DMD: variants seen among roughly 807,000 people sequenced by gnomAD.
The protein encoded by DMD is dystrophin, also known as mutant dystrophin.
In DMD, 63 loss-of-function variants were observed where a neutral mutation model predicts 330.1. The ratio of observed to expected loss-of-function variants is 0.19; its 90% CI spans 0.16 to 0.24. The LOEUF (loss-of-function observed/expected upper bound fraction) is 0.24, where lower values mean the gene tolerates loss of function less well. Among genes scored for constraint, DMD ranks in the 10% least tolerant of loss-of-function variants. The pLI is 1.00. For synonymous variants in DMD, 1,223 were observed against 959.8 expected, an observed-to-expected ratio of 1.27 and a Z score of -5.07; for missense variants, 3,344 against 2,684.1, an observed-to-expected ratio of 1.25 and a Z score of -5.43.
chrX:32,916,805 G>A (rs935728930), intron 2 of DMD, among the ~76,000 whole-genome samples: 3 of 111,184 alleles, frequency 2.7e-5, no homozygotes, highest in African/African-American at 6.5e-5. Context: ...GGTTTAAAGA[G>A]CATTTTTTCT....
chrX:33,278,608 A>C (rs1196654609), intron 1 of DMD, among the ~76,000 whole-genome samples: 1 of 111,788 alleles, frequency 8.9e-6, no homozygotes, highest in Non-Finnish European at 1.9e-5. Context: ...TTGATGCCAC[A>C]TCTTTGCTAT....
At chrX:31,387,633 C>G (rs1468983978) in intron 60 of DMD, among the ~76,000 whole-genome samples, 1 of 111,750 alleles carries the variant, frequency 8.9e-6, no homozygotes, top group Admixed American at 9.5e-5. Flanking sequence ...CTCCTGACCT[C>G]AGGTGATCCA....
At chrX:33,037,693 T>C (rs1375051525) in intron 1 of DMD, among the ~76,000 whole-genome samples, 1 of 112,064 alleles carries the variant, frequency 8.9e-6, no homozygotes, top group Non-Finnish European at 1.9e-5. Flanking sequence ...GAAATTTAAA[T>C]AATACTGATT....
intron 53 of DMD, among the ~76,000 whole-genome samples, chrX:31,660,994 A>G (rs1379895536): frequency 1.8e-5 from 2 of 112,206 alleles, no homozygotes; most frequent in African/African-American, 6.5e-5. Context: ...CTAAAATTAT[A>G]AATTATAACA....
At chrX:32,746,448 T>A (rs1289798673) in intron 7 of DMD, among the ~76,000 whole-genome samples, 1 of 111,897 alleles carries the variant, frequency 8.9e-6, no homozygotes, top group Non-Finnish European at 1.9e-5. Context: ...AAAGTGTGGA[T>A]CCAGACCAGC....
chrX:32,824,662 TG>T lies in DMD; in HGVS notation c.265-1276del, dbSNP rs773104436. On this transcript the variant is annotated intron_variant, in intron 4 of 78. Transcript: ENST00000357033. ...GCAATATGAGGGACCCTTGTAATGG[TG>T]GAACTGTTCTGCATATTGACTCTGA... 1.5e-4 allele frequency among the ~76,000 whole-genome samples: 17 copies of T among 111,585 alleles called. No homozygotes were observed. The South Asian group carries it at 6.4e-3, about 42-fold the overall frequency.
At chrX:32,033,493 A>G (rs1181118759) in intron 44 of DMD, among the ~76,000 whole-genome samples, 1 of 109,154 alleles carries the variant, frequency 9.2e-6, no homozygotes, top group Non-Finnish European at 1.9e-5. Context: ...ACAAAACTCT[A>G]AGGAATTTAT....
intron 19 of DMD, among the ~76,000 whole-genome samples, chrX:32,500,558 TAC>T (rs1227172485): frequency 8.9e-6 from 1 of 111,791 alleles, no homozygotes; most frequent in Non-Finnish European, 1.9e-5. Context: ...AAAGTGATAA[TAC>T]AGTTTCTAGG....
At chrX:31,357,821 A>G (rs1394408109) in intron 60 of DMD, among the ~76,000 whole-genome samples, 1 of 112,034 alleles carries the variant, frequency 8.9e-6, no homozygotes, top group South Asian at 3.8e-4. Flanking sequence ...ACAAACCAGT[A>G]TCAAGCCGTT....
At chrX:33,003,161 T>A (rs73468847) in intron 2 of DMD, among the ~76,000 whole-genome samples, 4,142 of 110,324 alleles carry the variant, frequency 0.038, 185 homozygotes, top group African/African-American at 0.13. Flanking sequence ...TTCCCCCTGC[T>A]CTGAGTCCCT....
intron 2 of DMD, among the ~76,000 whole-genome samples, chrX:33,005,793 T>C (rs1270267127): frequency 9.0e-6 from 1 of 110,777 alleles, no homozygotes; most frequent in Non-Finnish European, 1.9e-5. Flanking sequence ...GACATATCTA[T>C]TGGAATGTAG....
At chrX:31,829,281 G>A (rs1280286031) in intron 49 of DMD, among the ~76,000 whole-genome samples, 10 of 110,337 alleles carry the variant, frequency 9.1e-5, no homozygotes, top group African/African-American at 3.3e-4. Context: ...ACAGTATATA[G>A]TACTCAGGAA....
chrX:31,658,913 A>G (rs886816771), intron 53 of DMD, among the ~76,000 whole-genome samples: 1 of 112,156 alleles, frequency 8.9e-6, no homozygotes, highest in Non-Finnish European at 1.9e-5. Flanking sequence ...CTAAGCATTA[A>G]GATAATACTA....
chrX:31,199,603 C>T (rs755685020), intron 67 of DMD, among the ~76,000 whole-genome samples: 15 of 111,679 alleles, frequency 1.3e-4, no homozygotes, highest in Non-Finnish European at 2.8e-4. Context: ...ATAGATAATC[C>T]AGAGAGTGTG....
chrX:32,320,308 T>G (rs1164541343), intron 41 of DMD, among the ~76,000 whole-genome samples: 1 of 111,962 alleles, frequency 8.9e-6, no homozygotes, highest in Non-Finnish European at 1.9e-5. Context: ...CAAGGAAGTA[T>G]TCTCTTCATT....
intron 44 of DMD, chrX:32,206,540 C>A: frequency 3.3e-6 from 2 of 597,040 alleles, no homozygotes; most frequent in Non-Finnish European, 5.6e-6. Flanking sequence ...AAGAATCCTT[C>A]AAAACAAGGA....
At chrX:31,497,013 T>C (rs752664174) in intron 56 of DMD, 69 bp from the exon 57 acceptor site, 15 of 1,117,420 alleles carry the variant, frequency 1.3e-5, no homozygotes, top group East Asian at 3.2e-5. Context: ...AACAATTCCA[T>C]TGAAAAAGTA....
chrX:31,618,139 G>A (rs1201048974), intron 55 of DMD, among the ~76,000 whole-genome samples: 2 of 109,211 alleles, frequency 1.8e-5, no homozygotes, highest in African/African-American at 6.7e-5. Context: ...TTATTATCTG[G>A]GTGACAAAAT....
At chrX:32,202,571 C>T (rs2097045911) in intron 44 of DMD, among the ~76,000 whole-genome samples, 1 of 111,684 alleles carries the variant, frequency 9.0e-6, no homozygotes, top group African/African-American at 3.3e-5. Flanking sequence ...AGGATGGTCT[C>T]GATTTCTTGA....
Sources: allele counts gnomAD v4.1 joint callset (sites outside exome capture counted in the v4.1 genomes callset), GRCh38; gene constraint gnomAD v4.1.1; transcripts MANE v1.5; gene names NCBI Gene and HGNC (gene_info 2026-07-23, HGNC 2026-07-21).